Variants in SMARCAD1 observed in about 807,000 individuals in gnomAD.
The protein encoded by SMARCAD1 is SNF2 related chromatin remodeling ATPase with DExD box 1.
In SMARCAD1, 25 loss-of-function variants were observed where a neutral mutation model predicts 127.1. That is an observed-to-expected ratio of 0.20 (90% confidence interval 0.14 to 0.27). SMARCAD1 has a LOEUF of 0.27. Ranked by LOEUF, SMARCAD1 falls within the 10% of genes least tolerant of loss-of-function variation. SMARCAD1 has a pLI of 1.00. For synonymous variants in SMARCAD1, 400 were observed against 396.9 expected, an observed-to-expected ratio of 1.01 and a Z score of -0.09; for missense variants, 807 against 1,206.0, an observed-to-expected ratio of 0.67 and a Z score of 4.90.
chr4:94,209,591 C>T (rs1446904814), intron 2 of SMARCAD1, among the ~76,000 whole-genome samples: 7 of 152,098 alleles, frequency 4.6e-5, no homozygotes, highest in Middle Eastern at 6.8e-3. Flanking sequence ...TGTTTGCCAC[C>T]CTTCTACTTA....
chr4:94,286,776 T>C (rs1029888646), intron 23 of SMARCAD1, among the ~76,000 whole-genome samples: 2 of 152,232 alleles, frequency 1.3e-5, no homozygotes, highest in African/African-American at 4.8e-5. Flanking sequence ...GCCTGTTATG[T>C]TCACCTACAT....
At chr4:94,277,803 T>C (rs976916242) in intron 16 of SMARCAD1, among the ~76,000 whole-genome samples, 1 of 152,218 alleles carries the variant, frequency 6.6e-6, no homozygotes, top group Non-Finnish European at 1.5e-5. Context: ...AACTGCCTTT[T>C]AAACATTTAC....
intron 9 of SMARCAD1, among the ~76,000 whole-genome samples, chr4:94,260,026 A>G (rs1750720237): frequency 6.6e-6 from 1 of 151,764 alleles, no homozygotes; most frequent in Admixed American, 6.6e-5. Flanking sequence ...TAGATTCCTC[A>G]TCCCTCTCTC....
rs1289651944 is a variant in SMARCAD1, at chr4:94,289,490, C to G, written c.3037C>G (p.Pro1013Ala). 1 of 1,612,846 alleles carries G rather than the reference C, an allele frequency of 6.2e-7. No individual in the cohort carries two copies. Residue 1013 changes from proline to alanine, a missense_variant, in exon 24 of 24, where the codon CCA (proline) becomes GCA (alanine). Around this residue, in one of 8 missense-constraint regions of SMARCAD1, gnomAD observed 36 missense variants for 67.4 expected, o/e 0.53. Transcript: ENST00000354268. ...TVDEGDEGSMPADIATLLKTS... is the reference protein window; with the variant it reads ...TVDEGDEGSMAADIATLLKTS... ...ACCTACAGGTGATGAAGGGAGTATG[C>G]CAGCAGATATAGCCACATTACTAAA...
intron 23 of SMARCAD1, among the ~76,000 whole-genome samples, chr4:94,286,505 C>T (rs1387128620): frequency 1.3e-5 from 2 of 152,182 alleles, no homozygotes; most frequent in African/African-American, 4.8e-5. Flanking sequence ...CACCTGCAGA[C>T]ACTTAAGCTT....
At chr4:94,244,965 A>G (rs1748193327) in intron 6 of SMARCAD1, among the ~76,000 whole-genome samples, 5 of 152,184 alleles carry the variant, frequency 3.3e-5, no homozygotes, top group Admixed American at 3.3e-4. Flanking sequence ...TATCTAAGGC[A>G]GGGTTGCAGA....
rs917482251 is a variant in SMARCAD1 at position 94,290,985 on chromosome 4, T to G, written c.*1451T>G. 10 of 448,294 alleles carry G rather than the reference T, an allele frequency of 2.2e-5. No individual in the cohort carries two copies. The highest frequency in any genetic ancestry group is 1.7e-4 in the Admixed American group (7 of 41,418). The allele number at this position is 448,294 out of a possible 1,614,324, so 27.8% of individuals were successfully genotyped here. ...GCTTAACCCCAGTCTTGATGGTATA[T>G]TGAACAGACTGAATATATTTTACCA... is the stretch of plus-strand genomic sequence containing the variant. On this transcript the variant is annotated 3_prime_UTR_variant, in exon 24 of 24. Transcript: ENST00000354268.
At chr4:94,263,906 A>G (rs900311684) in intron 9 of SMARCAD1, among the ~76,000 whole-genome samples, 1 of 151,930 alleles carries the variant, frequency 6.6e-6, no homozygotes, top group Non-Finnish European at 1.5e-5. Context: ...TTTATAGAAT[A>G]TATATTTTCA....
At position 94,274,924 on chromosome 4, in the gene SMARCAD1, C is replaced by T; in HGVS notation, c.1767C>T (p.Asn589=). The change falls in exon 14 of 24, where the codon AAC becomes AAT. Residue 589 remains asparagine (N), a synonymous_variant. Coordinates refer to ENST00000354268, the MANE Select transcript of SMARCAD1 (RefSeq NM_020159.5). The part of the protein sequence containing the change: ...SQEERKQIRF[N]IHSRYEDYNV... ...AAGAACGTAAACAAATTAGATTTAA[C>T]ATTCATAGTAGATATGAAGATTACA... 1 of 1,602,448 alleles carries T rather than the reference C, an allele frequency of 6.2e-7. No individual in the cohort carries two copies. Among genetic ancestry groups the T allele is most frequent in the Non-Finnish European group, 8.5e-7 (1 of 1,170,334 alleles).
chr4:94,236,129 A>G, intron 4 of SMARCAD1, among the ~76,000 whole-genome samples: 1 of 152,190 alleles, frequency 6.6e-6, no homozygotes, highest in Non-Finnish European at 1.5e-5. Flanking sequence ...GAAAATGAAG[A>G]AGGCCAATAG....
intron 19 of SMARCAD1, among the ~76,000 whole-genome samples, chr4:94,279,664 A>G (rs1412732497): frequency 6.6e-6 from 1 of 152,202 alleles, no homozygotes; most frequent in Non-Finnish European, 1.5e-5. Flanking sequence ...CATTTTGCCT[A>G]CAAAGCCTAA....
chr4:94,253,791 A>G (rs1749650053), intron 9 of SMARCAD1: 8 of 709,802 alleles, frequency 1.1e-5, no homozygotes, highest in Non-Finnish European at 1.4e-5. Flanking sequence ...ATTCATACAG[A>G]TAAATATAAG....
rs1412265677 is a variant in SMARCAD1, at chr4:94,278,737, T to C, written c.2296+4T>C. On this transcript the variant is annotated splice_donor_region_variant and intron_variant, in intron 18 of 23. Transcript: ENST00000354268. Reference sequence around the variant, plus strand: ...AAAAAATCTATCAATAACTTGGGTATAATCTGATTTTTACTCTTTTATGTG... The same window carrying C: ...AAAAAATCTATCAATAACTTGGGTACAATCTGATTTTTACTCTTTTATGTG... 1 of 1,612,816 alleles carries C rather than the reference T, an allele frequency of 6.2e-7. No homozygotes were observed. Among genetic ancestry groups the C allele is most frequent in the Non-Finnish European group, 8.5e-7 (1 of 1,178,834 alleles).
At chr4:94,239,290 CT>C (rs1747199697) in intron 5 of SMARCAD1, among the ~76,000 whole-genome samples, 1 of 152,044 alleles carries the variant, frequency 6.6e-6, no homozygotes, top group Non-Finnish European at 1.5e-5. Flanking sequence ...AACAAAAGAC[CT>C]TTTTAAATAC....
chr4:94,267,794 C>A (rs1479242428), intron 10 of SMARCAD1, among the ~76,000 whole-genome samples: 1 of 152,008 alleles, frequency 6.6e-6, no homozygotes, highest in African/African-American at 2.4e-5. Flanking sequence ...TTCAGAAGAC[C>A]TGAGCAAATC....
intron 21 of SMARCAD1, among the ~76,000 whole-genome samples, chr4:94,282,758 T>C (rs763604526): frequency 2.0e-5 from 3 of 152,144 alleles, no homozygotes; most frequent in Admixed American, 6.5e-5. Context: ...AAGTCCTTGA[T>C]TCATCAGAAA....
intron 9 of SMARCAD1, among the ~76,000 whole-genome samples, chr4:94,261,942 A>G (rs2125943430): frequency 6.6e-6 from 1 of 152,296 alleles, no homozygotes; most frequent in Admixed American, 6.5e-5. Flanking sequence ...AAAACTTAAC[A>G]CTTCACTTTT....
At chr4:94,288,405 C>T (rs573139986) in intron 23 of SMARCAD1, among the ~76,000 whole-genome samples, 3 of 151,994 alleles carry the variant, frequency 2.0e-5, no homozygotes, top group African/African-American at 7.2e-5. Flanking sequence ...TGCATTCTTC[C>T]TAACATAGTA....
chr4:94,246,545 CCTTT>C (rs1288706948), intron 6 of SMARCAD1, among the ~76,000 whole-genome samples: 2 of 152,192 alleles, frequency 1.3e-5, no homozygotes, highest in Non-Finnish European at 2.9e-5. Context: ...ATAGGTGCGG[CCTTT>C]CTTTTTTCTT....
Sources: allele counts gnomAD v4.1 joint callset (sites outside exome capture counted in the v4.1 genomes callset), GRCh38; gene constraint gnomAD v4.1.1; regional missense constraint gnomAD v4.1.1; transcripts MANE v1.5; gene names NCBI Gene and HGNC (gene_info 2026-07-23, HGNC 2026-07-21).